FAM184A: variants seen among roughly 807,000 people sequenced by gnomAD.
FAM184A encodes the protein protein FAM184A.
A neutral mutation model predicts 143.8 loss-of-function variants in FAM184A; 99 were observed. The ratio of observed to expected loss-of-function variants is 0.69; its 90% CI spans 0.58 to 0.81. The LOEUF is 0.81. Among genes scored for constraint, FAM184A ranks in the 40% least tolerant of loss-of-function variants. FAM184A has a pLI of 0.00. For missense variants in FAM184A, 1,217 were observed against 1,310.5 expected, an observed-to-expected ratio of 0.93 and a Z score of 1.10; for synonymous variants, 427 against 446.4, an observed-to-expected ratio of 0.96 and a Z score of 0.55.
At chr6:119,038,593 G>C (rs1423619917) in intron 1 of FAM184A, among the ~76,000 whole-genome samples, 1 of 152,192 alleles carries the variant, frequency 6.6e-6, no homozygotes, top group African/African-American at 2.4e-5. Context: ...GGTCTGAAAA[G>C]AGGAGGCATA....
chr6:119,148,633 C>T (rs958228471), intron 1 of FAM184A, among the ~76,000 whole-genome samples: 4 of 152,120 alleles, frequency 2.6e-5, no homozygotes, highest in Admixed American at 6.6e-5. Context: ...GTTCTATAAG[C>T]CTCCCAACAC....
At chr6:119,073,441 A>G (rs1029431615) in intron 1 of FAM184A, among the ~76,000 whole-genome samples, 1 of 152,218 alleles carries the variant, frequency 6.6e-6, no homozygotes, top group Non-Finnish European at 1.5e-5. Flanking sequence ...TGAGAACCAG[A>G]GACGATAGAA....
At chr6:118,972,423 G>A (rs1783723328) in intron 14 of FAM184A, among the ~76,000 whole-genome samples, 1 of 152,086 alleles carries the variant, frequency 6.6e-6, no homozygotes, top group Non-Finnish European at 1.5e-5. Flanking sequence ...GTGTGTGTTT[G>A]TTTTTAACTA....
rs543213675 is a variant in FAM184A at position 119,076,160 on chromosome 6, G to A, written c.159+1981C>T. 1.4e-4 allele frequency among the ~76,000 whole-genome samples: 22 copies of A among 152,220 alleles called. No individual in the cohort carries two copies. The South Asian group carries it at 4.6e-3, about 32-fold the overall frequency. ...AGTAGTACCCACTGAGTAGTGCCAG[G>A]GATGCTGCCAAACATCCTATAATGC... On this transcript the variant is annotated intron_variant, in intron 1 of 17. Coordinates refer to ENST00000338891, the MANE Select transcript of FAM184A (RefSeq NM_024581.6).
intron 1 of FAM184A, among the ~76,000 whole-genome samples, chr6:119,049,717 A>AC (rs1786673331): frequency 6.6e-6 from 1 of 152,206 alleles, no homozygotes; most frequent in Non-Finnish European, 1.5e-5. Flanking sequence ...GTAAAACCCA[A>AC]AACTATAAAA....
At chr6:119,089,964 G>C (rs1788326752) in intron 1 of FAM184A, among the ~76,000 whole-genome samples, 1 of 152,110 alleles carries the variant, frequency 6.6e-6, no homozygotes, top group African/African-American at 2.4e-5. Context: ...CACAATAAAT[G>C]TTTATTTCCA....
intron 1 of FAM184A, among the ~76,000 whole-genome samples, chr6:119,066,876 G>A (rs1420335335): frequency 3.9e-5 from 6 of 152,058 alleles, no homozygotes; most frequent in Admixed American, 3.3e-4. Flanking sequence ...CTATAGCCTC[G>A]AACTGTATAA....
intron 1 of FAM184A, among the ~76,000 whole-genome samples, chr6:119,045,498 G>GA (rs1376755398): frequency 2.0e-5 from 3 of 152,186 alleles, no homozygotes; most frequent in East Asian, 1.9e-4. Context: ...CAACCTTGGA[G>GA]AAAAAATCAC....
rs1386413236 is a variant in FAM184A at position 118,975,214 on chromosome 6, A to T, written c.2584-6T>A. On this transcript the variant is annotated splice_polypyrimidine_tract_variant and splice_region_variant and intron_variant, in intron 12 of 17. Coordinates refer to ENST00000338891, the MANE Select transcript of FAM184A (RefSeq NM_024581.6). Reference sequence around the variant, plus strand: ...CTACATATGTGCTCCTTACTCTGTTAAAAAAAAAAAGTCATTTTTAGAAGT... The same window carrying T: ...CTACATATGTGCTCCTTACTCTGTTTAAAAAAAAAAGTCATTTTTAGAAGT... 6.0e-6 allele frequency: 5 copies of T among 835,538 alleles called. No homozygotes were observed. Among genetic ancestry groups the T allele is most frequent in the South Asian group, 5.5e-5 (2 of 36,476 alleles). 51.8% of individuals were successfully genotyped at this position (835,538 alleles called of 1,614,324 possible).
chr6:119,143,251 GA>G (rs1772306626), intron 1 of FAM184A, among the ~76,000 whole-genome samples: 1 of 152,222 alleles, frequency 6.6e-6, no homozygotes, highest in Non-Finnish European at 1.5e-5. Flanking sequence ...AATTGCCTAA[GA>G]TTGCACAGCT....
At chr6:119,133,078 C>T (rs1789578009) in intron 1 of FAM184A, among the ~76,000 whole-genome samples, 1 of 152,142 alleles carries the variant, frequency 6.6e-6, no homozygotes, top group Admixed American at 6.5e-5. Context: ...TGTTTATACT[C>T]AATTGTGGAT....
intron 11 of FAM184A, among the ~76,000 whole-genome samples, chr6:118,977,212 G>T (rs776753977): frequency 6.6e-6 from 1 of 152,138 alleles, no homozygotes; most frequent in Non-Finnish European, 1.5e-5. Context: ...GCAATAAAAA[G>T]AAACAAACTG....
intron 9 of FAM184A, among the ~76,000 whole-genome samples, chr6:118,986,876 T>G (rs1239831802): frequency 6.6e-6 from 1 of 152,236 alleles, no homozygotes; most frequent in Non-Finnish European, 1.5e-5. Context: ...TCTATGTCAC[T>G]GCTAAAAAGA....
chr6:119,118,530 T>C (rs1008805106), intron 1 of FAM184A, among the ~76,000 whole-genome samples: 1 of 152,220 alleles, frequency 6.6e-6, no homozygotes, highest in African/African-American at 2.4e-5. Flanking sequence ...AAGATTTCAT[T>C]GACATTTATT....
Position 118,960,109 on chromosome 6 carries a change from T to C in FAM184A, c.3417A>G (p.Thr1139=), listed in dbSNP as rs776807447. The C allele has an allele frequency of 6.2e-7, 1 of 1,612,968 alleles. No homozygotes were observed. Among genetic ancestry groups the C allele is most frequent in the Non-Finnish European group, 8.5e-7 (1 of 1,179,214 alleles). The change falls in exon 18 of 18, where the codon ACA becomes ACG. Residue 1139 remains threonine (T), a synonymous_variant. Coordinates refer to ENST00000338891, the MANE Select transcript of FAM184A (RefSeq NM_024581.6). The part of the protein sequence containing the change: ...QRQEWFARYF[T]F ...CTGTGCCAACACAATTCTTTCAGAATGTGAAGTACCGGGCAAACCACTCCT... is the reference window on the plus strand; with the variant it reads ...CTGTGCCAACACAATTCTTTCAGAACGTGAAGTACCGGGCAAACCACTCCT...
intron 1 of FAM184A, among the ~76,000 whole-genome samples, chr6:119,121,164 C>G (rs1267930684): frequency 2.0e-5 from 3 of 148,636 alleles, no homozygotes; most frequent in African/African-American, 7.5e-5. Flanking sequence ...CAGGGTCTCA[C>G]TCTGTCACTC....
At chr6:119,037,295 G>A (rs1196099821) in intron 1 of FAM184A, among the ~76,000 whole-genome samples, 1 of 152,156 alleles carries the variant, frequency 6.6e-6, no homozygotes, top group African/African-American at 2.4e-5. Context: ...AGGACAAAAG[G>A]ATAGCAGTTG....
intron 9 of FAM184A, among the ~76,000 whole-genome samples, chr6:118,999,190 G>A (rs1243608634): frequency 6.6e-6 from 1 of 152,200 alleles, no homozygotes; most frequent in African/African-American, 2.4e-5. Flanking sequence ...CAGTTTGGCT[G>A]AGGTTGAGGG....
chr6:118,994,979 T>G (rs1784503152), intron 9 of FAM184A, among the ~76,000 whole-genome samples: 1 of 152,212 alleles, frequency 6.6e-6, no homozygotes, highest in Non-Finnish European at 1.5e-5. Flanking sequence ...TCAATTCTAC[T>G]TTGAATAAGA....
Sources: allele counts gnomAD v4.1 joint callset (sites outside exome capture counted in the v4.1 genomes callset), GRCh38; gene constraint gnomAD v4.1.1; transcripts MANE v1.5; gene names NCBI Gene and HGNC (gene_info 2026-07-23, HGNC 2026-07-21).